The following GTF3C3 variants were observed in gnomAD, a reference collection of about 807,000 sequenced individuals.
GTF3C3 encodes the protein general transcription factor 3C polypeptide 3.
In GTF3C3, 75 loss-of-function variants were observed where a neutral mutation model predicts 105.2. The ratio of observed to expected loss-of-function variants is 0.71; its 90% confidence interval spans 0.59 to 0.86. The LOEUF (loss-of-function observed/expected upper bound fraction) is 0.86, where lower values mean the gene tolerates loss of function less well. Ranked by LOEUF, GTF3C3 falls within the 40% of genes least tolerant of loss-of-function variation. The probability of loss-of-function intolerance (pLI) is 0.00; values close to 1 mark genes in which losing one functional copy is unlikely to be tolerated. For synonymous variants in GTF3C3, 335 were observed against 370.4 expected, an observed-to-expected ratio of 0.90 and a Z score of 1.10; for missense variants, 856 against 1,076.5, an observed-to-expected ratio of 0.80 and a Z score of 2.87.
intron 3 of GTF3C3, chr2:196,791,771 C>G: frequency 4.8e-6 from 1 of 208,236 alleles, no homozygotes; most frequent in East Asian, 1.2e-4. Flanking sequence ...CCCGTCTATA[C>G]TGAAAATACA....
chr2:196,799,322 G>A (rs1699705531), intron 1 of GTF3C3, 188 bp downstream of exon 1: 1 of 524,732 alleles, frequency 1.9e-6, no homozygotes, highest in South Asian at 2.8e-5. Flanking sequence ...TTTTCGGTGG[G>A]GGAAAACGTT....
Position 196,775,123 on chromosome 2 carries a change from A to G in GTF3C3, c.1824T>C (p.Asp608=). The change falls in exon 13 of 18, where the codon GAT becomes GAC. Residue 608 remains aspartate (D), a synonymous_variant. Transcript: ENST00000263956. ...TGCAAATGAAGTTATTACCTTTTGC[A>G]TCACAATTTGCTGACTCTTGGTCAT... ...DSNDQESANC[D]AKAIFAVLTS... The G allele has an allele frequency of 6.2e-7, 1 of 1,612,408 alleles. No homozygotes were observed. Among genetic ancestry groups the G allele is most frequent in the Non-Finnish European group, 8.5e-7 (1 of 1,179,142 alleles).
chr2:196,798,275 A>G (rs1199136005), intron 1 of GTF3C3, among the ~76,000 whole-genome samples: 1 of 152,190 alleles, frequency 6.6e-6, no homozygotes, highest in African/African-American at 2.4e-5. Flanking sequence ...CTGTAATCCA[A>G]CCACTTTGGG....
chr2:196,778,299 AG>A (rs1699291197), intron 10 of GTF3C3: 2 of 152,326 alleles, frequency 1.3e-5, no homozygotes, highest in African/African-American at 4.8e-5. Flanking sequence ...TTTGAAACCA[AG>A]ACTATTCGAT....
intron 2 of GTF3C3, among the ~76,000 whole-genome samples, chr2:196,795,032 TTTTTGTTTTG>T (rs1044408221): frequency 1.3e-5 from 2 of 148,644 alleles, no homozygotes; most frequent in African/African-American, 2.5e-5. Flanking sequence ...CCCAGCATTT[TTTTTGTTTTG>T]TTTTGTTTTG....
At position 196,764,620 on chromosome 2, in the gene GTF3C3, C is replaced by CTGAT. The variant is rs749619105; in HGVS notation, c.2600_2603dup (p.Ser870GlufsTer24). 30 of 1,613,172 alleles carry CTGAT rather than the reference C, an allele frequency of 1.9e-5. No homozygotes were observed. Among genetic ancestry groups the CTGAT allele is most frequent in the East Asian group, 8.9e-5 (4 of 44,880 alleles). The stretch of plus-strand genomic sequence containing the variant: ...GAGCCATTCCGGTATTCCCACTGCT[C>CTGAT]TGATAGATGAGAGACAAGTTGTAGG... On this transcript the variant is annotated frameshift_variant, in exon 18 of 18. Coordinates refer to ENST00000263956, the MANE Select transcript of GTF3C3 (RefSeq NM_012086.5). LOFTEE classifies it high-confidence loss of function.
chr2:196,772,339 G>A lies in GTF3C3; in HGVS notation c.2070-401C>T, dbSNP rs192384827. 4.1e-3 allele frequency among the ~76,000 whole-genome samples: 627 copies of A among 151,974 alleles called. 12 individuals carry two copies. The highest frequency in any genetic ancestry group is 5.7e-3 in the Admixed American group (87 of 15,256). On this transcript the variant is annotated intron_variant, in intron 14 of 17. Transcript: ENST00000263956. ...TTGGGAGGCTGAGGCACCTGAGGTCGGGAGTTGGAGACCAGCCTGACCAAC... is the reference window on the plus strand; with the variant it reads ...TTGGGAGGCTGAGGCACCTGAGGTCAGGAGTTGGAGACCAGCCTGACCAAC...
chr2:196,793,454 A>G (rs1699588086), intron 2 of GTF3C3, among the ~76,000 whole-genome samples: 2 of 152,202 alleles, frequency 1.3e-5, no homozygotes, highest in African/African-American at 4.8e-5. Context: ...ATTATAAGAC[A>G]TAGACCTAAG....
At chr2:196,798,038 G>T (rs546891485) in intron 1 of GTF3C3, 130 bp from the exon 2 acceptor site, 32 of 628,422 alleles carry the variant, frequency 5.1e-5, no homozygotes, top group Admixed American at 3.2e-4. Flanking sequence ...GCAGTTTATA[G>T]AATAGGGCAT....
intron 14 of GTF3C3, among the ~76,000 whole-genome samples, chr2:196,772,475 G>C (rs1699190324): frequency 6.6e-6 from 1 of 152,298 alleles, no homozygotes; most frequent in East Asian, 1.9e-4. Flanking sequence ...TTGAACCTGG[G>C]AGGCGGAGGT....
At position 196,789,210 on chromosome 2, in the gene GTF3C3, A is replaced by AT. The variant is rs1699504864; in HGVS notation, c.886dup (p.Met296AsnfsTer7). 6.2e-7 allele frequency: 1 copy of AT among 1,600,138 alleles called. No homozygotes were observed. The highest frequency in any genetic ancestry group is 8.5e-7 in the Non-Finnish European group (1 of 1,174,800). On this transcript the variant is annotated frameshift_variant, in exon 6 of 18. Transcript: ENST00000263956. LOFTEE classifies it high-confidence loss of function. ...TGTTTCACTCCAAACTTACTTTGCC[A>AT]TATCTCTAGCCAGCTGCATAAAACG...
intron 15 of GTF3C3, 67 bp from the exon 16 acceptor site, chr2:196,770,106 T>G (rs1699146202): frequency 7.3e-7 from 1 of 1,363,694 alleles, no homozygotes; most frequent in Non-Finnish European, 9.7e-7. Flanking sequence ...TCAACACTTT[T>G]AAGGCCAAAC....
chr2:196,795,304 C>T lies in GTF3C3; in HGVS notation c.215-2152G>A, dbSNP rs1699622840. ...CCACCCACCTCAGCCTCCCAAAGTG[C>T]TGGGATTAGAAGCTTGAACAACTGC... is the stretch of plus-strand genomic sequence containing the variant. On this transcript the variant is annotated intron_variant, in intron 2 of 17. Coordinates refer to ENST00000263956, the MANE Select transcript of GTF3C3 (RefSeq NM_012086.5). 2.6e-5 allele frequency among the ~76,000 whole-genome samples: 4 copies of T among 152,202 alleles called. No individual in the cohort carries two copies. In the South Asian group the frequency reaches 8.3e-4, roughly 31 times the overall value.
intron 5 of GTF3C3, 64 bp from the exon 6 acceptor site, chr2:196,789,433 C>T (rs530831010): frequency 9.0e-7 from 1 of 1,117,044 alleles, no homozygotes; most frequent in Non-Finnish European, 1.3e-6. Context: ...GGGTGTGATC[C>T]ATCATCTCAG....
rs1026504644 is a variant in GTF3C3, at chr2:196,791,254, A to T, written c.535+83T>A. 4.7e-5 allele frequency: 62 copies of T among 1,327,240 alleles called. 1 individual carries two copies. The highest frequency in any genetic ancestry group is 4.3e-4 in the South Asian group (33 of 76,316). The allele number at this position is 1,327,240 out of a possible 1,614,324, so 82.2% of individuals were successfully genotyped here. A position where few individuals can be genotyped will look rare whatever the true frequency, so the allele number is the denominator to read the frequency against. Reference sequence around the variant, plus strand: ...CTTAAGCTTCTGAACATATTTTCCAAATAGTACTGTGAAGTGCTCCCCCAT... The same window carrying T: ...CTTAAGCTTCTGAACATATTTTCCATATAGTACTGTGAAGTGCTCCCCCAT... On this transcript the variant is annotated intron_variant, in intron 4 of 17. Transcript: ENST00000263956.
At chr2:196,788,637 G>T (rs1005413159) in intron 6 of GTF3C3, among the ~76,000 whole-genome samples, 2 of 152,110 alleles carry the variant, frequency 1.3e-5, no homozygotes, top group Non-Finnish European at 2.9e-5. Context: ...GGAAACCTGA[G>T]AACCTACTCT....
Position 196,764,438 on chromosome 2 carries a change from C to T in GTF3C3, c.*125G>A. 1 of 843,352 alleles carries T rather than the reference C, an allele frequency of 1.2e-6. No individual in the cohort carries two copies. The highest frequency in any genetic ancestry group is 1.8e-6 in the Non-Finnish European group (1 of 568,750). 52.2% of individuals were successfully genotyped at this position (843,352 alleles called of 1,614,324 possible). On this transcript the variant is annotated 3_prime_UTR_variant, in exon 18 of 18. Transcript: ENST00000263956. Reference sequence around the variant, plus strand: ...CATTATCACATATTAAAAATAAATACACTGTTTGTTAGGTAATTCTGAAAT... The same window carrying T: ...CATTATCACATATTAAAAATAAATATACTGTTTGTTAGGTAATTCTGAAAT...
At chr2:196,774,915 AT>A (rs972196817) in intron 13 of GTF3C3, 200 bp downstream of exon 13, 54 of 383,866 alleles carry the variant, frequency 1.4e-4, no homozygotes, top group South Asian at 2.1e-4. Context: ...TTTCCTTTTA[AT>A]TTTTTTTAAT....
Position 196,799,658 on chromosome 2 carries a change from C to A in GTF3C3, c.-47G>T, listed in dbSNP as rs750300071. ...AACCCCAGGAACCGGGACAGAGAAC[C>A]GGAAGAGCAGCGCCTTCCAGAAGCT... On this transcript the variant is annotated 5_prime_UTR_variant, in exon 1 of 18. Coordinates refer to ENST00000263956, the MANE Select transcript of GTF3C3 (RefSeq NM_012086.5). 7.2e-6 allele frequency: 10 copies of A among 1,390,858 alleles called. No individual in the cohort carries two copies. The African/African-American group carries it at 1.1e-4, about 16-fold the overall frequency. 86.2% of individuals were successfully genotyped at this position (1,390,858 alleles called of 1,614,324 possible).
Sources: gnomAD v4.1 joint callset for allele counts (sites outside exome capture counted in the v4.1 genomes callset) on GRCh38, gnomAD v4.1.1 for gene constraint, MANE v1.5 for transcripts, NCBI Gene and HGNC (gene_info 2026-07-23, HGNC 2026-07-21) for gene names.